POGZ: variants seen among roughly 807,000 people sequenced by gnomAD.
The protein encoded by POGZ is pogo transposable element derived with ZNF domain.
Under a neutral mutation model 134.6 loss-of-function variants are expected in POGZ, and 17 were observed. That is an observed-to-expected ratio of 0.13 (90% CI 0.09 to 0.19). The LOEUF is 0.19. Ranked by LOEUF, POGZ falls within the 10% of genes least tolerant of loss-of-function variation. POGZ has a pLI of 1.00. For missense variants in POGZ, 1,306 were observed against 1,769.7 expected, an observed-to-expected ratio of 0.74 and a Z score of 4.70; for synonymous variants, 693 against 657.1, an observed-to-expected ratio of 1.05 and a Z score of -0.84.
intron 10 of POGZ, among the ~76,000 whole-genome samples, chr1:151,419,495 C>T (rs969622131): frequency 6.6e-6 from 1 of 150,926 alleles, no homozygotes; most frequent in Non-Finnish European, 1.5e-5. Context: ...AAAAAACACC[C>T]CCCAAAACAA....
chr1:151,427,873 C>G lies in POGZ; in HGVS notation c.1028G>C (p.Ser343Thr). Residue 343 changes from serine to threonine, a missense_variant, in exon 7 of 19, where the codon AGC (serine) becomes ACC (threonine). By Grantham distance (58) the Ser-to-Thr change is moderately conservative. This residue lies in a region of POGZ where 541 missense variants were observed against 680.5 expected (regional missense o/e 0.80). Transcript: ENST00000271715. ...SPGPVVVSNN[S>T]SAHGSQRTSG... The stretch of plus-strand genomic sequence containing the variant: ...GGTTCTTTGAGAGCCATGAGCAGAG[C>G]TGTTGTTGGACACCACCACTGGCCC... 1 of 1,614,114 alleles carries G rather than the reference C, an allele frequency of 6.2e-7. No individual in the cohort carries two copies. Among genetic ancestry groups the G allele is most frequent in the Non-Finnish European group, 8.5e-7 (1 of 1,179,978 alleles).
At chr1:151,453,835 A>G (rs540703438) in intron 1 of POGZ, among the ~76,000 whole-genome samples, 1 of 152,348 alleles carries the variant, frequency 6.6e-6, no homozygotes, top group Admixed American at 6.5e-5. Context: ...GCTAGTCAAT[A>G]AAAGTCTATA....
chr1:151,403,690 A>G lies in POGZ; in HGVS notation c.*1112T>C, dbSNP rs1410899115. The G allele has an allele frequency of 4.8e-5, 47 of 985,700 alleles. No individual in the cohort carries two copies. The highest frequency in any genetic ancestry group is 5.7e-5 in the Non-Finnish European group (47 of 829,890). The allele number at this position is 985,700 out of a possible 1,614,324, so 61.1% of individuals were successfully genotyped here. ...CTTCCTGTCAGATTCTTCCCTAAGT[A>G]TTAAGAGAAATAGGGGAAAGCCACA... On this transcript the variant is annotated 3_prime_UTR_variant, in exon 19 of 19. Coordinates refer to ENST00000271715, the MANE Select transcript of POGZ (RefSeq NM_015100.4).
intron 10 of POGZ, among the ~76,000 whole-genome samples, chr1:151,417,708 AC>A (rs1264388792): frequency 4.6e-5 from 7 of 150,774 alleles, no homozygotes; most frequent in African/African-American, 1.7e-4. Flanking sequence ...ACACACACAC[AC>A]ACACACACAC....
At chr1:151,416,339 T>G (rs1571384542) in intron 10 of POGZ, among the ~76,000 whole-genome samples, 1 of 149,794 alleles carries the variant, frequency 6.7e-6, no homozygotes, top group East Asian at 2.0e-4. Flanking sequence ...GGTGGCTCAC[T>G]TGAGGCTAGG....
intron 1 of POGZ, among the ~76,000 whole-genome samples, chr1:151,451,810 T>C (rs1304593086): frequency 6.6e-6 from 1 of 151,446 alleles, no homozygotes; most frequent in Non-Finnish European, 1.5e-5. Flanking sequence ...AAAATGTCAA[T>C]GTTCGGCTGG....
chr1:151,415,926 A>C (rs956795457), intron 10 of POGZ, among the ~76,000 whole-genome samples: 1 of 151,674 alleles, frequency 6.6e-6, no homozygotes, highest in Non-Finnish European at 1.5e-5. Flanking sequence ...AAAGACTATG[A>C]ATCAGGGCCG....
At chr1:151,439,091 CT>C (rs1267196525) in intron 3 of POGZ, 1 of 151,098 alleles carries the variant, frequency 6.6e-6, no homozygotes, top group African/African-American at 2.4e-5. Context: ...ATTTGACTGG[CT>C]TAAAAAAAAA....
chr1:151,407,206 T>C, intron 16 of POGZ, 29 bp downstream of exon 16: 1 of 1,515,282 alleles, frequency 6.6e-7, no homozygotes, highest in Non-Finnish European at 9.1e-7. Flanking sequence ...CCTGAAAAAT[T>C]AAGATGCTGC....
chr1:151,447,484 T>G (rs565086742), intron 1 of POGZ, among the ~76,000 whole-genome samples: 1 of 151,870 alleles, frequency 6.6e-6, no homozygotes, highest in African/African-American at 2.4e-5. Context: ...TTGTGAGATG[T>G]GGTCTCATCC....
chr1:151,452,015 T>C (rs571209887), intron 1 of POGZ, among the ~76,000 whole-genome samples: 1 of 148,022 alleles, frequency 6.8e-6, no homozygotes, highest in Non-Finnish European at 1.5e-5. Context: ...GAGAATTGCT[T>C]GAACCCGGGA....
rs1218050731 is a variant in POGZ, at chr1:151,428,400, C to G, written c.582G>C (p.Gln194His). 2 of 1,613,542 alleles carry G rather than the reference C, an allele frequency of 1.2e-6. No individual in the cohort carries two copies. The highest frequency in any genetic ancestry group is 2.7e-5 in the African/African-American group (2 of 74,918). Residue 194 changes from glutamine to histidine, a missense_variant, in exon 6 of 19, where the codon CAG becomes CAC. Coordinates refer to ENST00000271715, the MANE Select transcript of POGZ (RefSeq NM_015100.4). ...PITLVPAPGTQFVKPTVGVPQ... is the reference protein window; with the variant it reads ...PITLVPAPGTHFVKPTVGVPQ... The stretch of plus-strand genomic sequence containing the variant: ...GAACTCCAACTGTCGGCTTAACAAA[C>G]TGGGTACCTGGGGCTTTAAAAGAGA...
chr1:151,446,759 A>G (rs1427586260), intron 1 of POGZ, among the ~76,000 whole-genome samples: 4 of 149,594 alleles, frequency 2.7e-5, no homozygotes, highest in Non-Finnish European at 6.0e-5. Context: ...CCATCTCAAA[A>G]AAAAAAAAAA....
chr1:151,405,779 G>T lies in POGZ; in HGVS notation c.3256C>A (p.Arg1086=), dbSNP rs145068768. ...MLRHHLTPHA[R]RAVAHTLPKD... ...GGTAGGGTGTGGGCCACAGCTCGCCGGGCATGGGGAGTCAGGTGGTGCCGC... is the reference window on the plus strand; with the variant it reads ...GGTAGGGTGTGGGCCACAGCTCGCCTGGCATGGGGAGTCAGGTGGTGCCGC... Residue 1086 remains arginine (R), a synonymous_variant, in exon 19 of 19, where the codon CGG becomes AGG. Transcript: ENST00000271715. This position sits in a 1 kb window ranked among gnomAD's most constrained non-coding sequence, Gnocchi z 4.9. 6.2e-7 allele frequency: 1 copy of T among 1,614,030 alleles called. No homozygotes were observed. The highest frequency in any genetic ancestry group is 1.3e-5 in the African/African-American group (1 of 74,898).
In POGZ at chr1:151,405,354, C is replaced by T. The variant is rs1336000569; in HGVS notation, c.3681G>A (p.Val1227=). 6.8e-6 allele frequency: 11 copies of T among 1,613,974 alleles called. No individual in the cohort carries two copies. Among genetic ancestry groups the T allele is most frequent in the African/African-American group, 2.7e-5 (2 of 74,954 alleles). The change falls in exon 19 of 19, where the codon GTG becomes GTA. Residue 1227 remains valine, a synonymous_variant. Transcript: ENST00000271715. This position sits in a 1 kb window ranked among gnomAD's most constrained non-coding sequence, Gnocchi z 4.9. The part of the protein sequence containing the change: ...TACQRSKGML[V]MDCHRTHLSE... ...ACAAGTGAGTGCGATGACAGTCCAT[C>T]ACAAGCATGCCTTTGCTGCGCTGGC... is the stretch of plus-strand genomic sequence containing the variant.
rs1653811864 is a variant in POGZ at position 151,407,279 on chromosome 1, T to C, written c.2388A>G (p.Pro796=). Residue 796 remains proline, a synonymous_variant, in exon 16 of 19, where the codon CCA becomes CCG. Coordinates refer to ENST00000271715, the MANE Select transcript of POGZ (RefSeq NM_015100.4). ...YANHMINNHV[P]RKSPKYLALF... is the part of the protein sequence containing the mutation. ...AAGCCAAATACTTGGGGCTCTTCCG[T>C]GGAACATGATTGCTGAGAAAGACAA... 1.2e-6 allele frequency: 2 copies of C among 1,609,106 alleles called. No individual in the cohort carries two copies. The highest frequency in any genetic ancestry group is 3.4e-5 in the Admixed American group (2 of 59,160).
intron 11 of POGZ, 49 bp downstream of exon 11, chr1:151,412,247 T>C: frequency 1.0e-6 from 1 of 974,094 alleles, no homozygotes; most frequent in South Asian, 1.4e-5. Context: ...TTCTTTGTAT[T>C]CTTCCTGAGG....
intron 1 of POGZ, chr1:151,442,412 A>C (rs1660673411): frequency 2.5e-6 from 1 of 403,134 alleles, no homozygotes; most frequent in Non-Finnish European, 4.4e-6. Flanking sequence ...CAAATTATTT[A>C]ATAATTAGGG....
rs757960216 is a variant in POGZ, at chr1:151,405,073, C to T, written c.3962G>A (p.Arg1321His). Residue 1321 changes from arginine (R) to histidine (H), a missense_variant, in exon 19 of 19, where the codon CGC becomes CAC. Arg to His is a conservative substitution (Grantham distance 29, BLOSUM62 0). Around this residue, in one of 10 missense-constraint regions of POGZ, gnomAD observed 67 missense variants for 105.8 expected, o/e 0.63. Transcript: ENST00000271715. This position sits in a 1 kb window ranked among gnomAD's most constrained non-coding sequence, Gnocchi z 4.9. ...CAGAACACTAGCCACCAGGAAGGAG[C>T]GCTGAACTAGCTCTGGACAGTCCCC... ...VIGDCPELVQ[R>H]SFLVASVLPG... 72 of 1,614,188 alleles carry T rather than the reference C, an allele frequency of 4.5e-5. 2 individuals are homozygous for T. In the South Asian group the frequency reaches 4.5e-4, roughly 10 times the overall value.
Sources: allele counts gnomAD v4.1 joint callset (sites outside exome capture counted in the v4.1 genomes callset), GRCh38; gene constraint gnomAD v4.1.1; regional missense constraint gnomAD v4.1.1; non-coding constraint Gnocchi (gnomAD v3.1); transcripts MANE v1.5; gene names NCBI Gene and HGNC (gene_info 2026-07-23, HGNC 2026-07-21).